SLC41A2: variants seen among roughly 807,000 people sequenced by gnomAD.
The protein encoded by SLC41A2 is SLC41A1-like 1.
SLC41A2 carries 32 observed loss-of-function variants against 58.3 expected under a neutral mutation model. That is an observed-to-expected ratio of 0.55 (90% confidence interval 0.41 to 0.74). SLC41A2 has a LOEUF of 0.74. Among genes scored for constraint, SLC41A2 ranks in the 30% least tolerant of loss-of-function variants. The pLI is 0.00. For missense variants in SLC41A2, 514 were observed against 680.6 expected, an observed-to-expected ratio of 0.76 and a Z score of 2.72; for synonymous variants, 190 against 235.0, an observed-to-expected ratio of 0.81 and a Z score of 1.75.
At chr12:104,911,247 C>G (rs1461832971) in intron 2 of SLC41A2, among the ~76,000 whole-genome samples, 1 of 152,086 alleles carries the variant, frequency 6.6e-6, no homozygotes, top group Non-Finnish European at 1.5e-5. Flanking sequence ...AAAAAATGTA[C>G]AAAATCAAGC....
chr12:104,879,129 C>T (rs2044224102), intron 6 of SLC41A2, among the ~76,000 whole-genome samples: 1 of 152,224 alleles, frequency 6.6e-6, no homozygotes, highest in African/African-American at 2.4e-5. Flanking sequence ...AGTGTCTGTT[C>T]GTATCCTTCA....
chr12:104,899,972 A>T (rs978341594), intron 3 of SLC41A2, among the ~76,000 whole-genome samples: 3 of 152,170 alleles, frequency 2.0e-5, no homozygotes, highest in Non-Finnish European at 2.9e-5. Flanking sequence ...GTACTTGGTC[A>T]CAGATTTCAC....
At chr12:104,949,810 C>T (rs1000364234) in intron 1 of SLC41A2, among the ~76,000 whole-genome samples, 3 of 152,040 alleles carry the variant, frequency 2.0e-5, no homozygotes, top group Admixed American at 6.6e-5. Flanking sequence ...CTCGAACTCC[C>T]GACCTCAGGT....
chr12:104,878,581 C>A (rs2044184745), intron 6 of SLC41A2, among the ~76,000 whole-genome samples: 1 of 151,814 alleles, frequency 6.6e-6, no homozygotes, highest in Non-Finnish European at 1.5e-5. Context: ...TCTGTCCATG[C>A]AACAGTTTGC....
At chr12:104,822,142 A>G (rs2041663268) in intron 10 of SLC41A2, among the ~76,000 whole-genome samples, 1 of 152,248 alleles carries the variant, frequency 6.6e-6, no homozygotes, top group African/African-American at 2.4e-5. Flanking sequence ...GAAAAAGAAA[A>G]AAAAGTGTGA....
At chr12:104,827,053 C>T (rs533590733) in intron 10 of SLC41A2, among the ~76,000 whole-genome samples, 1 of 152,280 alleles carries the variant, frequency 6.6e-6, no homozygotes, top group Non-Finnish European at 1.5e-5. Context: ...GAACTAAGAC[C>T]AAGCCTTCTC....
chr12:104,927,625 T>C (rs993835637), intron 2 of SLC41A2, among the ~76,000 whole-genome samples: 5 of 152,114 alleles, frequency 3.3e-5, no homozygotes, highest in African/African-American at 9.7e-5. Flanking sequence ...TACCCTCTAA[T>C]GTTTGAAGTC....
intron 10 of SLC41A2, among the ~76,000 whole-genome samples, chr12:104,807,724 A>G (rs924191402): frequency 6.6e-6 from 1 of 152,100 alleles, no homozygotes; most frequent in Admixed American, 6.6e-5. Context: ...ATTTGTTTGT[A>G]TCCTCTTTTA....
chr12:104,916,378 C>T (rs1378574071), intron 2 of SLC41A2, among the ~76,000 whole-genome samples: 3 of 152,106 alleles, frequency 2.0e-5, no homozygotes, highest in Admixed American at 6.6e-5. Flanking sequence ...TGTTAGAATT[C>T]GGCTGTGAAT....
chr12:104,836,835 G>C (rs2042227852), intron 10 of SLC41A2, among the ~76,000 whole-genome samples: 1 of 152,126 alleles, frequency 6.6e-6, no homozygotes, highest in Admixed American at 6.5e-5. Context: ...TATTACTCTA[G>C]GAGTAACAAC....
intron 8 of SLC41A2, among the ~76,000 whole-genome samples, chr12:104,848,142 G>T (rs1174892140): frequency 6.6e-6 from 1 of 152,164 alleles, no homozygotes; most frequent in Non-Finnish European, 1.5e-5. Flanking sequence ...TGCAAAGTAT[G>T]CTCTCTTTCC....
intron 6 of SLC41A2, among the ~76,000 whole-genome samples, chr12:104,874,148 A>G (rs1318588387): frequency 6.9e-6 from 1 of 145,582 alleles, no homozygotes; most frequent in African/African-American, 2.6e-5. Flanking sequence ...ATCTTGGCTC[A>G]CTGCAAGCTC....
intron 2 of SLC41A2, 90 bp downstream of exon 2, chr12:104,927,883 T>G: frequency 4.4e-6 from 5 of 1,145,260 alleles, no homozygotes; most frequent in Non-Finnish European, 5.9e-6. Flanking sequence ...CTAAAGTGAA[T>G]GTTTGAGAGT....
chr12:104,811,187 A>G (rs532279713), intron 10 of SLC41A2, among the ~76,000 whole-genome samples: 1 of 152,290 alleles, frequency 6.6e-6, no homozygotes, highest in East Asian at 1.9e-4. Flanking sequence ...GTACTTATGG[A>G]AACCATACAG....
At chr12:104,888,102 T>A (rs2044763389) in intron 5 of SLC41A2, among the ~76,000 whole-genome samples, 1 of 152,078 alleles carries the variant, frequency 6.6e-6, no homozygotes, top group South Asian at 2.1e-4. Context: ...ATTATTTTTG[T>A]ACCAACAATT....
intron 1 of SLC41A2, among the ~76,000 whole-genome samples, chr12:104,939,587 C>T (rs771820898): frequency 2.0e-5 from 3 of 152,204 alleles, no homozygotes; most frequent in Non-Finnish European, 2.9e-5. Context: ...TGGAGAAACT[C>T]TGCCTATCGT....
In SLC41A2 at chr12:104,803,910, A is replaced by C. The variant is rs1469147029; in HGVS notation, c.*1242T>G. The C allele has an allele frequency of 6.6e-6, 1 of 152,094 alleles. No individual in the cohort carries two copies. Among genetic ancestry groups the C allele is most frequent in the East Asian group, 1.9e-4 (1 of 5,200 alleles). 9.4% of individuals were successfully genotyped at this position (152,094 alleles called of 1,614,324 possible). A position where few individuals can be genotyped will look rare whatever the true frequency, so the allele number is the denominator to read the frequency against. ...AGCAAATGAATCACTTGCTCATTTT[A>C]AATCTCCTATCTTGATTATATTAAA... On this transcript the variant is annotated 3_prime_UTR_variant, in exon 11 of 11. Transcript: ENST00000258538.
rs1465137184 is a variant in SLC41A2 at position 104,844,549 on chromosome 12, T to C, written c.1459A>G (p.Ile487Val). 1 of 1,569,504 alleles carries C rather than the reference T, an allele frequency of 6.4e-7. No individual in the cohort carries two copies. The highest frequency in any genetic ancestry group is 8.7e-7 in the Non-Finnish European group (1 of 1,155,014). ...IPGHLIFLYT[I>V]HLMKSGHTSL... ...GTATGACCACTTTTCATCAAATGAA[T>C]AGTGTAGAGGAAAATTAAATGTCCA... The change falls in exon 10 of 11, where the codon ATT becomes GTT. Residue 487 changes from isoleucine (I) to valine (V), a missense_variant. Ile to Val is a conservative substitution (Grantham distance 29). Coordinates refer to ENST00000258538, the MANE Select transcript of SLC41A2 (RefSeq NM_001352171.3).
intron 10 of SLC41A2, among the ~76,000 whole-genome samples, chr12:104,836,510 C>CAGT (rs2042213767): frequency 6.6e-6 from 1 of 152,150 alleles, no homozygotes; most frequent in South Asian, 2.1e-4. Context: ...ATAAATGAAG[C>CAGT]AGTACCATTT....
Sources: allele counts gnomAD v4.1 joint callset (sites outside exome capture counted in the v4.1 genomes callset), GRCh38; gene constraint gnomAD v4.1.1; transcripts MANE v1.5; gene names NCBI Gene and HGNC (gene_info 2026-07-23, HGNC 2026-07-21).